NME7: variants seen among roughly 807,000 people sequenced by gnomAD.
NME7 encodes the protein nucleoside diphosphate kinase 7.
Under a neutral mutation model 49.1 loss-of-function variants are expected in NME7, and 41 were observed. The ratio of observed to expected loss-of-function variants is 0.83; its 90% CI spans 0.65 to 1.08. The LOEUF (loss-of-function observed/expected upper bound fraction) is 1.08, where lower values mean the gene tolerates loss of function less well. NME7 is among the 50% of genes least tolerant of loss of function. The probability of loss-of-function intolerance (pLI) is 0.00; values close to 1 mark genes in which losing one functional copy is unlikely to be tolerated. For synonymous variants in NME7, 139 were observed against 150.6 expected (o/e 0.92, Z 0.56); for missense variants, 423 against 463.4 (o/e 0.91, Z 0.80).
chr1:169,273,989 G>A (rs1184479272), intron 7 of NME7, among the ~76,000 whole-genome samples: 1 of 132,376 alleles, frequency 7.6e-6, no homozygotes, highest in Non-Finnish European at 1.8e-5. Context: ...CCAGTAATGG[G>A]ATTGCTGGGT....
intron 10 of NME7, among the ~76,000 whole-genome samples, chr1:169,197,147 T>C (rs1165945216): frequency 6.6e-6 from 1 of 152,134 alleles, no homozygotes; most frequent in East Asian, 1.9e-4. Context: ...TATTTCACCA[T>C]ATTAGCCTTA....
chr1:169,218,204 G>A (rs897008570), intron 10 of NME7, among the ~76,000 whole-genome samples: 5 of 151,852 alleles, frequency 3.3e-5, no homozygotes, highest in South Asian at 2.1e-4. Flanking sequence ...GTTTCTTACC[G>A]TAGTACAACT....
intron 5 of NME7, 142 bp from the exon 6 acceptor site, chr1:169,298,905 T>C (rs1273228905): frequency 7.8e-6 from 6 of 764,950 alleles, no homozygotes; most frequent in Admixed American, 3.0e-5. Context: ...TAGTTAATTT[T>C]ACATGGGCAG....
At chr1:169,163,317 G>T (rs1340095406) in intron 11 of NME7, among the ~76,000 whole-genome samples, 2 of 151,760 alleles carry the variant, frequency 1.3e-5, no homozygotes, top group East Asian at 1.9e-4. Context: ...TATGAGTAAC[G>T]TATGCCATAC....
intron 3 of NME7, among the ~76,000 whole-genome samples, chr1:169,313,069 G>A (rs1450283473): frequency 6.6e-6 from 1 of 152,010 alleles, no homozygotes; most frequent in Non-Finnish European, 1.5e-5. Context: ...CAGTGATCAA[G>A]ACTTTTGCTT....
rs1422519342 is a variant in NME7 at position 169,258,405 on chromosome 1, T to TATAC, written c.755-20719_755-20718insGTAT. Among the ~76,000 whole-genome samples the TATAC allele has an allele frequency of 5.4e-4, 37 of 68,776 alleles. 2 individuals are homozygous for TATAC. The highest frequency in any genetic ancestry group is 1.4e-3 in the African/African-American group (26 of 19,036). 45.1% of individuals were successfully genotyped at this position (68,776 alleles called of 152,430 possible). On this transcript the variant is annotated intron_variant, in intron 7 of 11. Transcript: ENST00000367811. ...ATATATATATATATATATATATATA[T>TATAC]ACACACACACACACACACATACACA...
rs1377194892 is a variant in NME7 at position 169,260,955 on chromosome 1, CTG to C, written c.755-23270_755-23269del. Among the ~76,000 whole-genome samples the C allele has an allele frequency of 2.3e-5, 3 of 133,032 alleles. 1 individual carries two copies. In the South Asian group the frequency reaches 6.9e-4, roughly 31 times the overall value. The allele number at this position is 133,032 out of a possible 152,430, so 87.3% of individuals were successfully genotyped here. On this transcript the variant is annotated intron_variant, in intron 7 of 11. Coordinates refer to ENST00000367811, the MANE Select transcript of NME7 (RefSeq NM_013330.5). ...TTAATGTTGTTCTTCCTAGAAGTAT[CTG>C]TGCATACATAGAACCTACTGGGTCA... is the stretch of plus-strand genomic sequence containing the variant.
At chr1:169,209,437 T>A (rs956345654) in intron 10 of NME7, among the ~76,000 whole-genome samples, 2 of 152,126 alleles carry the variant, frequency 1.3e-5, no homozygotes, top group Non-Finnish European at 2.9e-5. Context: ...AACATTTCTA[T>A]CAAGAATTTC....
At chr1:169,198,971 G>C (rs1660468661) in intron 10 of NME7, among the ~76,000 whole-genome samples, 1 of 151,936 alleles carries the variant, frequency 6.6e-6, no homozygotes, top group South Asian at 2.1e-4. Flanking sequence ...AGGCCACCTA[G>C]GTAATTATAA....
intron 11 of NME7, among the ~76,000 whole-genome samples, chr1:169,136,113 GGGCACAGC>G (rs1255985415): frequency 2.9e-3 from 138 of 48,254 alleles, no homozygotes; most frequent in Non-Finnish European, 5.0e-3. Flanking sequence ...CACATATATC[GGGCACAGC>G]CAGTGCCCGA....
chr1:169,297,470 C>T (rs1650756347), intron 6 of NME7, among the ~76,000 whole-genome samples: 1 of 152,210 alleles, frequency 6.6e-6, no homozygotes, highest in Non-Finnish European at 1.5e-5. Flanking sequence ...TCCTCCCTCT[C>T]TCATTCCTAT....
At chr1:169,168,455 A>G (rs1200912823) in intron 11 of NME7, among the ~76,000 whole-genome samples, 1 of 152,002 alleles carries the variant, frequency 6.6e-6, no homozygotes, top group East Asian at 1.9e-4. Flanking sequence ...AAGTCTCGCT[A>G]TGATGTCCAG....
chr1:169,214,121 G>A (rs916160307), intron 10 of NME7, among the ~76,000 whole-genome samples: 2 of 152,140 alleles, frequency 1.3e-5, no homozygotes, highest in Non-Finnish European at 2.9e-5. Flanking sequence ...TAGTTTAGGG[G>A]ACAAACCAAG....
chr1:169,336,283 G>C (rs926461739), intron 1 of NME7, among the ~76,000 whole-genome samples: 1 of 151,832 alleles, frequency 6.6e-6, no homozygotes, highest in Admixed American at 6.6e-5. Flanking sequence ...GTGAGCAGTA[G>C]CAAGATTTAT....
intron 10 of NME7, among the ~76,000 whole-genome samples, chr1:169,220,533 T>C (rs12748624): frequency 0.07 from 10,641 of 152,208 alleles, 1,480 homozygotes; most frequent in East Asian, 0.66. Flanking sequence ...TTTTTCTCGG[T>C]TAGACAAATG....
rs183852438 is a variant in NME7 at position 169,240,103 on chromosome 1, T to A, written c.755-2416A>T. 2.6e-5 allele frequency among the ~76,000 whole-genome samples: 4 copies of A among 151,656 alleles called. No homozygotes were observed. The East Asian group carries it at 7.7e-4, about 29-fold the overall frequency. On this transcript the variant is annotated intron_variant, in intron 7 of 11. Coordinates refer to ENST00000367811, the MANE Select transcript of NME7 (RefSeq NM_013330.5). ...TTATTCTCCTTTACTTGACAAGTGGTAGTTTCTTAGCCTTTATATAGGTTA... is the reference window on the plus strand; with the variant it reads ...TTATTCTCCTTTACTTGACAAGTGGAAGTTTCTTAGCCTTTATATAGGTTA...
chr1:169,168,359 G>A (rs970624071), intron 11 of NME7, among the ~76,000 whole-genome samples: 6 of 152,306 alleles, frequency 3.9e-5, no homozygotes, highest in African/African-American at 1.4e-4. Context: ...GGCAGATACT[G>A]AGGTTGCTGC....
At chr1:169,367,470 T>C (rs1017270043) in intron 1 of NME7, among the ~76,000 whole-genome samples, 2 of 152,228 alleles carry the variant, frequency 1.3e-5, no homozygotes, top group Non-Finnish European at 2.9e-5. Context: ...CTCGATGCCT[T>C]ACCCTAAATT....
rs71121749 is a variant in NME7, at chr1:169,258,375, C to CATATAT, written c.755-20694_755-20689dup. Among the ~76,000 whole-genome samples the CATATAT allele has an allele frequency of 9.5e-3, 825 of 86,598 alleles. 25 individuals are homozygous for CATATAT. The highest frequency in any genetic ancestry group is 0.019 in the African/African-American group (453 of 24,138). The allele number at this position is 86,598 out of a possible 152,430, so 56.8% of individuals were successfully genotyped here. On this transcript the variant is annotated intron_variant, in intron 7 of 11. Transcript: ENST00000367811. ...AAAAATAAAATAAAATAAAATAAAA[C>CATATAT]ATATATATATATATATATATATATA... is the stretch of plus-strand genomic sequence containing the variant.
Sources: allele counts gnomAD v4.1 joint callset (sites outside exome capture counted in the v4.1 genomes callset), GRCh38; gene constraint gnomAD v4.1.1; transcripts MANE v1.5; gene names NCBI Gene and HGNC (gene_info 2026-07-23, HGNC 2026-07-21).